Variants in ZNF570 observed in about 807,000 individuals in gnomAD.
The protein encoded by ZNF570 is zinc finger protein 570.
In ZNF570, 8 loss-of-function variants were observed where a neutral mutation model predicts 14.2. The observed-to-expected ratio is 0.56, with a 90% CI of 0.33 to 1.02. ZNF570 has a LOEUF of 1.02. Ranked by LOEUF, ZNF570 falls within the 50% of genes least tolerant of loss-of-function variation. ZNF570 has a pLI of 0.03. For missense variants in ZNF570, 559 were observed against 624.9 expected (o/e 0.89, Z 1.12); for synonymous variants, 202 against 207.6 (o/e 0.97, Z 0.23).
chr19:37,471,008 C>T (rs1292813877), intron 2 of ZNF570, among the ~76,000 whole-genome samples: 1 of 85,484 alleles, frequency 1.2e-5, no homozygotes, highest in Non-Finnish European at 2.1e-5. Context: ...CCAGTGAGTA[C>T]ATTTTTTTTT....
intron 4 of ZNF570, among the ~76,000 whole-genome samples, chr19:37,483,004 C>G (rs896072939): frequency 6.6e-6 from 1 of 151,980 alleles, no homozygotes; most frequent in African/African-American, 2.4e-5. Context: ...ATTAAACTAC[C>G]CAGTCTCAGG....
In ZNF570 at chr19:37,485,126, G is replaced by A. The variant is rs1007083694; in HGVS notation, c.1504G>A (p.Glu502Lys). The change falls in exon 5 of 5, where the codon GAA (glutamate) becomes AAA (lysine). Residue 502 changes from glutamate to lysine, a missense_variant. Transcript: ENST00000330173. ...HTGERPYECK[E>K]CKKTFRQHAH... ...TGGAGAGAGACCCTATGAATGTAAG[G>A]AATGCAAAAAAACCTTCAGGCAGCA... The A allele has an allele frequency of 6.0e-5, 97 of 1,611,198 alleles. No individual in the cohort carries two copies. The highest frequency in any genetic ancestry group is 7.9e-5 in the Non-Finnish European group (93 of 1,179,128).
In ZNF570 at chr19:37,485,148, A is replaced by G; in HGVS notation, c.1526A>G (p.Gln509Arg). 1.2e-6 allele frequency: 2 copies of G among 1,609,128 alleles called. No homozygotes were observed. The highest frequency in any genetic ancestry group is 2.7e-5 in the African/African-American group (2 of 74,950). Residue 509 changes from glutamine to arginine, a missense_variant, in exon 5 of 5, where the codon CAG becomes CGG. Coordinates refer to ENST00000330173, the MANE Select transcript of ZNF570 (RefSeq NM_144694.5). ...AAGGAATGCAAAAAAACCTTCAGGC[A>G]GCATGCACACCTTGCTCATCACCAG... is the stretch of plus-strand genomic sequence containing the variant. ...ECKECKKTFR[Q>R]HAHLAHHQRI... is the part of the protein sequence containing the mutation.
At chr19:37,475,797 TCAGAG>T in intron 2 of ZNF570, 79 bp from the exon 3 acceptor site, 1 of 1,346,544 alleles carries the variant, frequency 7.4e-7, no homozygotes, top group Non-Finnish European at 1.0e-6. Context: ...GGATGTAATA[TCAGAG>T]AGAGCCCAGT....
chr19:37,482,492 A>G (rs894755367), intron 4 of ZNF570, among the ~76,000 whole-genome samples: 7 of 152,176 alleles, frequency 4.6e-5, no homozygotes, highest in African/African-American at 1.7e-4. Context: ...AGAATTCGCT[A>G]TCATGACACT....
Position 37,485,405 on chromosome 19 carries a change from T to C in ZNF570, c.*172T>C, listed in dbSNP as rs1600391088. 1 of 597,476 alleles carries C rather than the reference T, an allele frequency of 1.7e-6. No individual in the cohort carries two copies. Among genetic ancestry groups the C allele is most frequent in the East Asian group, 3.2e-5 (1 of 31,578 alleles). The allele number at this position is 597,476 out of a possible 1,614,324, so 37.0% of individuals were successfully genotyped here. ...CCACAATGCACTCAAACGGATCTTT[T>C]TTTTCTTTTTTTTTCTTTTTGAGAC... On this transcript the variant is annotated 3_prime_UTR_variant, in exon 5 of 5. Coordinates refer to ENST00000330173, the MANE Select transcript of ZNF570 (RefSeq NM_144694.5).
In ZNF570 at chr19:37,470,050, T is replaced by C. The variant is rs1251970147; in HGVS notation, c.-51-254T>C. The C allele has an allele frequency of 2.8e-5, 11 of 388,050 alleles. No individual in the cohort carries two copies. In the Admixed American group the frequency reaches 3.3e-4, roughly 12 times the overall value. The allele number at this position is 388,050 out of a possible 1,614,324, so 24.0% of individuals were successfully genotyped here. ...GGTGCTCTTATTTGTTAGTTCTGTGTCTTTATGTGAAAACTTACATTCCTC... is the reference window on the plus strand; with the variant it reads ...GGTGCTCTTATTTGTTAGTTCTGTGCCTTTATGTGAAAACTTACATTCCTC... On this transcript the variant is annotated intron_variant, in intron 1 of 4. Transcript: ENST00000330173.
chr19:37,469,094 G>A (rs1038389684), upstream of ZNF570: 1 of 1,039,418 alleles, frequency 9.6e-7, no homozygotes, highest in Non-Finnish European at 1.2e-6. Flanking sequence ...TGTGACGCTG[G>A]GCCCCGTCCC....
At position 37,485,128 on chromosome 19, in the gene ZNF570, A is replaced by G. The variant is rs549392147; in HGVS notation, c.1506A>G (p.Glu502=). The stretch of plus-strand genomic sequence containing the variant: ...GAGAGAGACCCTATGAATGTAAGGA[A>G]TGCAAAAAAACCTTCAGGCAGCATG... The part of the protein sequence containing the change: ...HTGERPYECK[E]CKKTFRQHAH... Residue 502 remains glutamate, a synonymous_variant, in exon 5 of 5, where the codon GAA becomes GAG. Coordinates refer to ENST00000330173, the MANE Select transcript of ZNF570 (RefSeq NM_144694.5). 1.2e-6 allele frequency: 2 copies of G among 1,612,224 alleles called. No homozygotes were observed. The highest frequency in any genetic ancestry group is 3.4e-5 in the Admixed American group (2 of 59,520).
intron 2 of ZNF570, 114 bp from the exon 3 acceptor site, chr19:37,475,767 T>C: frequency 4.8e-6 from 5 of 1,041,104 alleles, no homozygotes; most frequent in Non-Finnish European, 6.9e-6. Context: ...ACAAATATGA[T>C]AACATGGTTA....
At position 37,469,586 on chromosome 19, in the gene ZNF570, C is replaced by A. The variant is rs184309735; in HGVS notation, c.-52+29C>A. ...GGTACCGTTCAGTGCGAGGCTGTCA[C>A]CCCGTGTGCCTGTCCACGTCCTGTG... On this transcript the variant is annotated intron_variant, in intron 1 of 4. Coordinates refer to ENST00000330173, the MANE Select transcript of ZNF570 (RefSeq NM_144694.5). 378 of 1,531,072 alleles carry A rather than the reference C, an allele frequency of 2.5e-4. 1 individual carries two copies. In the African/African-American group the frequency reaches 3.1e-3, roughly 13 times the overall value. 94.8% of individuals were successfully genotyped at this position (1,531,072 alleles called of 1,614,324 possible). A position where few individuals can be genotyped will look rare whatever the true frequency, so the allele number is the denominator to read the frequency against.
chr19:37,478,839 A>T (rs118024343), intron 4 of ZNF570, among the ~76,000 whole-genome samples: 1 of 151,364 alleles, frequency 6.6e-6, no homozygotes, highest in Non-Finnish European at 1.5e-5. Context: ...TGTTGAACCA[A>T]CATTGCATTC....
Position 37,479,147 on chromosome 19 carries a change from A to G in ZNF570, c.256+2713A>G, listed in dbSNP as rs1302376898. Among the ~76,000 whole-genome samples the G allele has an allele frequency of 1.1e-4, 15 of 142,268 alleles. No homozygotes were observed. In the East Asian group the frequency reaches 2.5e-3, roughly 24 times the overall value. The allele number at this position is 142,268 out of a possible 152,430, so 93.3% of individuals were successfully genotyped here. On this transcript the variant is annotated intron_variant, in intron 4 of 4. Coordinates refer to ENST00000330173, the MANE Select transcript of ZNF570 (RefSeq NM_144694.5). ...CTAATCATTCAATTTGATATGTTCT[A>G]AAATTCTAGGTTTTCTATTTCTCCT...
At chr19:37,469,016 C>A, upstream of ZNF570, 1 of 982,084 alleles carries the variant, frequency 1.0e-6, no homozygotes, top group Non-Finnish European at 1.2e-6. Context: ...TCTCAACTCC[C>A]CGCCCTGGTT....
At chr19:37,469,616 T>C (rs1165668184) in intron 1 of ZNF570, 59 bp downstream of exon 1, 5 of 1,497,034 alleles carry the variant, frequency 3.3e-6, no homozygotes, top group African/African-American at 2.8e-5. Context: ...CCTGTGTGAC[T>C]GGGTGCGAGG....
chr19:37,474,612 A>C (rs1318042314), intron 2 of ZNF570, among the ~76,000 whole-genome samples: 2 of 152,002 alleles, frequency 1.3e-5, no homozygotes, highest in African/African-American at 4.8e-5. Context: ...GGTGCGCACC[A>C]CTATGCCCAG....
In ZNF570 at chr19:37,485,358, T is replaced by G; in HGVS notation, c.*125T>G. ...CAAACAGGTTTTCCTGTATTTATTT[T>G]TGCTACCTTTAAATCCATTTCCCAC... On this transcript the variant is annotated 3_prime_UTR_variant, in exon 5 of 5. Coordinates refer to ENST00000330173, the MANE Select transcript of ZNF570 (RefSeq NM_144694.5). 1 of 1,000,632 alleles carries G rather than the reference T, an allele frequency of 1.0e-6. No individual in the cohort carries two copies. The highest frequency in any genetic ancestry group is 1.4e-6 in the Non-Finnish European group (1 of 726,708). 62.0% of individuals were successfully genotyped at this position (1,000,632 alleles called of 1,614,324 possible).
chr19:37,484,475 C>T lies in ZNF570; in HGVS notation c.853C>T (p.Gln285Ter). The T allele has an allele frequency of 6.2e-7, 1 of 1,613,818 alleles. No homozygotes were observed. ...TAAGGAATGTAGGAAAGCCTTCAGT[C>T]AGAATGCACACCTAGTTCAACATCT... Reference protein sequence around the residue: ...ECKECRKAFSQNAHLVQHLRV... With the variant: ...ECKECRKAFS Residue 285 changes from glutamine (Q) to a stop codon, truncating the protein, a stop_gained, in exon 5 of 5, where the codon CAG (glutamine) becomes TAG (stop). Coordinates refer to ENST00000330173, the MANE Select transcript of ZNF570 (RefSeq NM_144694.5). LOFTEE classifies it low-confidence loss of function (END_TRUNC).
intron 4 of ZNF570, among the ~76,000 whole-genome samples, chr19:37,480,742 T>C (rs537271205): frequency 6.6e-6 from 1 of 151,780 alleles, no homozygotes; most frequent in South Asian, 2.1e-4. Flanking sequence ...CACTTCAGTC[T>C]AGGAGTTTGA....
Sources: gnomAD v4.1 joint callset for allele counts (sites outside exome capture counted in the v4.1 genomes callset) on GRCh38, gnomAD v4.1.1 for gene constraint, MANE v1.5 for transcripts, NCBI Gene and HGNC (gene_info 2026-07-23, HGNC 2026-07-21) for gene names.